The following DCAF4 variants were observed in gnomAD, a reference collection of about 807,000 sequenced individuals.
The protein encoded by DCAF4 is DDB1- and CUL4-associated factor 4.
A neutral mutation model predicts 60.9 loss-of-function variants in DCAF4; 37 were observed. The observed-to-expected ratio is 0.61, with a 90% CI of 0.47 to 0.80. The LOEUF is 0.80. Among genes scored for constraint, DCAF4 ranks in the 30% least tolerant of loss-of-function variants. The pLI, the probability that DCAF4 is intolerant of heterozygous loss-of-function variation, is 0.00. For synonymous variants in DCAF4, 243 were observed against 254.8 expected, an observed-to-expected ratio of 0.95 and a Z score of 0.44; for missense variants, 577 against 650.0, an observed-to-expected ratio of 0.89 and a Z score of 1.22.
Position 72,930,309 on chromosome 14 carries a change from C to A in DCAF4, c.-9+3766C>A, listed in dbSNP as rs186765248. On this transcript the variant is annotated intron_variant, in intron 1 of 13. Transcript: ENST00000358377. ...TTGAGACGGAGTTTCGCTCTTGTCG[C>A]CCAGGCTGCAATGCAGTGGCACCAT... is the stretch of plus-strand genomic sequence containing the variant. Among the ~76,000 whole-genome samples, 791 of 151,300 alleles carry A rather than the reference C, an allele frequency of 5.2e-3. 9 individuals are homozygous for A. The highest frequency in any genetic ancestry group is 0.018 in the African/African-American group (739 of 41,106).
At chr14:72,956,334 AC>A in intron 12 of DCAF4, 51 bp from the exon 13 acceptor site, 10 of 1,453,974 alleles carry the variant, frequency 6.9e-6, no homozygotes, top group Non-Finnish European at 8.3e-6. Flanking sequence ...CTTGGGGACC[AC>A]CATGGTACCC....
chr14:72,959,548 G>T lies in DCAF4; in HGVS notation c.*743G>T. On this transcript the variant is annotated 3_prime_UTR_variant, in exon 14 of 14. Transcript: ENST00000358377. ...CAAGGGCCCGGCGTCAAAGGAAATT[G>T]GTTTTGACTTTTTGTAATCTAGGAG... is the stretch of plus-strand genomic sequence containing the variant. The T allele has an allele frequency of 1.0e-6, 1 of 985,492 alleles. No individual in the cohort carries two copies. Among genetic ancestry groups the T allele is most frequent in the Non-Finnish European group, 1.2e-6 (1 of 829,914 alleles). The allele number at this position is 985,492 out of a possible 1,614,324, so 61.0% of individuals were successfully genotyped here. A position where few individuals can be genotyped will look rare whatever the true frequency, so the allele number is the denominator to read the frequency against.
At chr14:72,928,412 T>C (rs1390810909) in intron 1 of DCAF4, among the ~76,000 whole-genome samples, 1 of 148,288 alleles carries the variant, frequency 6.7e-6, no homozygotes, top group Admixed American at 6.7e-5. Flanking sequence ...CAGGATGGTC[T>C]CACATATCTG....
chr14:72,946,367 T>C (rs1374148865), intron 7 of DCAF4, among the ~76,000 whole-genome samples: 2 of 152,082 alleles, frequency 1.3e-5, no homozygotes, highest in Non-Finnish European at 2.9e-5. Context: ...ATCGTGCCAC[T>C]GCACTCCAAC....
intron 4 of DCAF4, 75 bp downstream of exon 4, chr14:72,940,452 G>A (rs1889880744): frequency 6.7e-7 from 1 of 1,481,646 alleles, no homozygotes; most frequent in Non-Finnish European, 9.0e-7. Flanking sequence ...TGAAAAGGGT[G>A]CCAATTAGAT....
At chr14:72,929,999 G>A (rs969960368) in intron 1 of DCAF4, 1 of 630,728 alleles carries the variant, frequency 1.6e-6, no homozygotes, top group South Asian at 1.9e-5. Flanking sequence ...TGGTGTTGTG[G>A]CTCGTGCCTG....
chr14:72,956,296 G>A (rs1046712929), intron 12 of DCAF4, 90 bp from the exon 13 acceptor site: 3 of 950,290 alleles, frequency 3.2e-6, no homozygotes, highest in African/African-American at 1.7e-5. Flanking sequence ...CAGGCCACTG[G>A]AGACCACCTT....
chr14:72,944,733 A>G (rs1890500922), intron 6 of DCAF4, among the ~76,000 whole-genome samples: 2 of 152,102 alleles, frequency 1.3e-5, no homozygotes, highest in African/African-American at 2.4e-5. Flanking sequence ...TCAAAGATGC[A>G]GTGAGCCATG....
At chr14:72,930,922 G>A (rs150041373) in intron 1 of DCAF4, among the ~76,000 whole-genome samples, 2 of 152,016 alleles carry the variant, frequency 1.3e-5, no homozygotes, top group Admixed American at 6.6e-5. Context: ...ACCATAGATA[G>A]GCATATGGGT....
Position 72,942,990 on chromosome 14 carries a change from G to T in DCAF4, c.432-4G>T, listed in dbSNP as rs368560012. ...ATCCATGCCCCCACCCTCTGTTTCT[G>T]CAGTTTAGCCCACGAGCTGCGTCTC... On this transcript the variant is annotated splice_region_variant and splice_polypyrimidine_tract_variant and intron_variant, in intron 5 of 13. Coordinates refer to ENST00000358377, the MANE Select transcript of DCAF4 (RefSeq NM_015604.4). 10 of 1,613,818 alleles carry T rather than the reference G, an allele frequency of 6.2e-6. No homozygotes were observed. In the African/African-American group the frequency reaches 1.1e-4, roughly 17 times the overall value.
intron 9 of DCAF4, among the ~76,000 whole-genome samples, chr14:72,953,732 A>AAAATATAT (rs1555527852): frequency 4.6e-5 from 1 of 21,766 alleles, no homozygotes; most frequent in African/African-American, 2.3e-4. Context: ...AAAAAAAAAA[A>AAAATATAT]ATATATATAT....
chr14:72,945,755 C>T, intron 6 of DCAF4, 129 bp from the exon 7 acceptor site: 2 of 1,251,766 alleles, frequency 1.6e-6, no homozygotes, highest in South Asian at 2.8e-5. Flanking sequence ...CACTCTCGCT[C>T]ATGGAGAGGA....
intron 8 of DCAF4, 79 bp downstream of exon 8, chr14:72,947,270 C>A: frequency 6.6e-7 from 1 of 1,520,922 alleles, no homozygotes; most frequent in Non-Finnish European, 9.1e-7. Context: ...GGCTTCATGA[C>A]ATGGCATCTT....
intron 13 of DCAF4, 109 bp downstream of exon 13, chr14:72,956,609 T>C: frequency 1.9e-6 from 2 of 1,035,674 alleles, no homozygotes; most frequent in Non-Finnish European, 2.9e-6. Flanking sequence ...CAGAACTGAA[T>C]CAAGGGGAGT....
At chr14:72,936,561 C>T (rs934298035) in intron 1 of DCAF4, among the ~76,000 whole-genome samples, 2 of 94,164 alleles carry the variant, frequency 2.1e-5, no homozygotes, top group African/African-American at 7.2e-5. Flanking sequence ...GAGACTCCAT[C>T]TCAAAAAAAA....
chr14:72,952,136 G>A (rs2286834), intron 9 of DCAF4, among the ~76,000 whole-genome samples: 2,437 of 152,236 alleles, frequency 0.016, 54 homozygotes, highest in East Asian at 0.048. Context: ...GAACAGATTC[G>A]GACGCCCGTG....
At chr14:72,950,702 G>C (rs2140282366) in intron 8 of DCAF4, among the ~76,000 whole-genome samples, 1 of 152,242 alleles carries the variant, frequency 6.6e-6, no homozygotes, top group East Asian at 1.9e-4. Context: ...CATGTAGTCA[G>C]GGAAATGCAA....
At chr14:72,929,696 C>T in intron 1 of DCAF4, 5 of 1,294,462 alleles carry the variant, frequency 3.9e-6, no homozygotes, top group Non-Finnish European at 5.6e-6. Flanking sequence ...GGATGTGCGT[C>T]CCCACCCTTT....
chr14:72,935,743 T>G (rs923218822), intron 1 of DCAF4, among the ~76,000 whole-genome samples: 1 of 152,210 alleles, frequency 6.6e-6, no homozygotes, highest in Non-Finnish European at 1.5e-5. Flanking sequence ...AGAATAATGG[T>G]GTGAGTGGGA....
Sources: allele counts gnomAD v4.1 joint callset (sites outside exome capture counted in the v4.1 genomes callset), GRCh38; gene constraint gnomAD v4.1.1; transcripts MANE v1.5; gene names NCBI Gene and HGNC (gene_info 2026-07-23, HGNC 2026-07-21).